GPATCH1: variants seen among roughly 807,000 people sequenced by gnomAD.
The protein encoded by GPATCH1 is G patch domain-containing protein 1.
A neutral mutation model predicts 114.9 loss-of-function variants in GPATCH1; 73 were observed. The observed-to-expected ratio is 0.64, with a 90% CI of 0.53 to 0.77. GPATCH1 has a LOEUF of 0.77. GPATCH1 is among the 30% of genes least tolerant of loss of function. The pLI is 0.00. For missense variants in GPATCH1, 1,058 were observed against 1,144.3 expected (o/e 0.92, Z 1.09); for synonymous variants, 391 against 428.4 (o/e 0.91, Z 1.08).
intron 1 of GPATCH1, among the ~76,000 whole-genome samples, chr19:33,087,873 C>T (rs755556560): frequency 5.9e-5 from 9 of 151,440 alleles, no homozygotes; most frequent in Non-Finnish European, 7.4e-5. Flanking sequence ...TTAGTAGAGC[C>T]GGGATTTTGC....
At chr19:33,086,210 T>C (rs1050548787) in intron 1 of GPATCH1, among the ~76,000 whole-genome samples, 1 of 152,056 alleles carries the variant, frequency 6.6e-6, no homozygotes, top group Non-Finnish European at 1.5e-5. Flanking sequence ...TGTAATGTAG[T>C]GTGTGTACTG....
In GPATCH1 at chr19:33,119,032, G is replaced by A. The variant is rs764564024; in HGVS notation, c.2436G>A (p.Glu812=). ...CAGCTCTTGTGCCAGCACCCCAGGA[G>A]CCGCCACCTTCCTTCCCGATACAAA... ...VAHALVPAPQ[E]PPPSFPIQKM... is the part of the protein sequence containing the mutation. Residue 812 remains glutamate, a synonymous_variant, in exon 17 of 20, where the codon GAG becomes GAA. Transcript: ENST00000170564. 1.5e-5 allele frequency: 24 copies of A among 1,612,664 alleles called. No homozygotes were observed. The Middle Eastern group carries it at 6.6e-4, about 44-fold the overall frequency.
At chr19:33,102,936 G>A (rs981454117) in intron 9 of GPATCH1, among the ~76,000 whole-genome samples, 2 of 152,208 alleles carry the variant, frequency 1.3e-5, no homozygotes, top group African/African-American at 4.8e-5. Context: ...CCGTGTGCAG[G>A]TGGGTGAAGT....
chr19:33,111,652 C>T (rs1169404787), intron 11 of GPATCH1, 72 bp from the exon 12 acceptor site: 2 of 1,343,332 alleles, frequency 1.5e-6, no homozygotes, highest in Admixed American at 3.5e-5. Context: ...CAGTGGTGCC[C>T]AGCAGATGTT....
rs1471253060 is a variant in GPATCH1, at chr19:33,126,832, G to C, written c.2765+99G>C. 19 of 1,050,000 alleles carry C rather than the reference G, an allele frequency of 1.8e-5. No individual in the cohort carries two copies. In the East Asian group the frequency reaches 4.5e-4, roughly 25 times the overall value. The allele number at this position is 1,050,000 out of a possible 1,614,324, so 65.0% of individuals were successfully genotyped here. A position where few individuals can be genotyped will look rare whatever the true frequency, so the allele number is the denominator to read the frequency against. On this transcript the variant is annotated intron_variant, in intron 19 of 19. Coordinates refer to ENST00000170564, the MANE Select transcript of GPATCH1 (RefSeq NM_018025.3). ...GGCAAATATCAGAAATGAAAAACTG[G>C]TAGGCCGGGTGCAGTGGCTCACGCC... is the stretch of plus-strand genomic sequence containing the variant.
Position 33,088,113 on chromosome 19 carries a change from T to C in GPATCH1, c.74-21T>C, listed in dbSNP as rs906317467. On this transcript the variant is annotated intron_variant, in intron 1 of 19. Coordinates refer to ENST00000170564, the MANE Select transcript of GPATCH1 (RefSeq NM_018025.3). The stretch of plus-strand genomic sequence containing the variant: ...CTCCTCTCTTTTTCATTTAAAAAAC[T>C]TTTTTTTTTTTTTTTTTTAGGTGAA... 412 of 61,626 alleles carry C rather than the reference T, an allele frequency of 6.7e-3. 1 individual carries two copies. The highest frequency in any genetic ancestry group is 0.016 in the South Asian group (12 of 772). The allele number at this position is 61,626 out of a possible 1,614,324, so 3.8% of individuals were successfully genotyped here.
intron 3 of GPATCH1, among the ~76,000 whole-genome samples, chr19:33,091,214 A>G (rs1463598744): frequency 6.6e-6 from 1 of 152,080 alleles, no homozygotes; most frequent in Non-Finnish European, 1.5e-5. Flanking sequence ...GATCAAGACC[A>G]TCCTGGCTAA....
chr19:33,094,561 G>A (rs1003085676), intron 5 of GPATCH1, among the ~76,000 whole-genome samples: 41 of 152,110 alleles, frequency 2.7e-4, no homozygotes, highest in African/African-American at 9.7e-4. Flanking sequence ...TCCAATAAAC[G>A]AAATAGCTGG....
At position 33,111,842 on chromosome 19, in the gene GPATCH1, G is replaced by A. The variant is rs774222844; in HGVS notation, c.1704G>A (p.Arg568=). 9 of 1,614,142 alleles carry A rather than the reference G, an allele frequency of 5.6e-6. No individual in the cohort carries two copies. The highest frequency in any genetic ancestry group is 1.1e-5 in the South Asian group (1 of 91,078). Residue 568 remains arginine, a synonymous_variant, in exon 12 of 20, where the codon AGG becomes AGA. Transcript: ENST00000170564. Reference sequence around the variant, plus strand: ...CTTCCCATTCGACCTTGTCCTCCAGGTTCACTCACGCCAAGGAGGAGGATG... The same window carrying A: ...CTTCCCATTCGACCTTGTCCTCCAGATTCACTCACGCCAAGGAGGAGGATG... ...YASSHSTLSS[R]FTHAKEEDDS...
intron 11 of GPATCH1, among the ~76,000 whole-genome samples, chr19:33,110,222 A>G (rs1972836928): frequency 6.6e-6 from 1 of 152,186 alleles, no homozygotes; most frequent in Non-Finnish European, 1.5e-5. Context: ...TCCATATCTC[A>G]GGCCAAAGCT....
chr19:33,095,821 G>A lies in GPATCH1; in HGVS notation c.612+1G>A, dbSNP rs751011051. The A allele has an allele frequency of 6.3e-7, 1 of 1,598,544 alleles. No homozygotes were observed. The highest frequency in any genetic ancestry group is 1.3e-5 in the African/African-American group (1 of 74,456). ...CCCTGGAAGCTCGGAAGGATCTGAG[G>A]TATTGCATGGTGTGACTGACCTTCA... is the stretch of plus-strand genomic sequence containing the variant. On this transcript the variant is annotated splice_donor_variant, in intron 6 of 19. Coordinates refer to ENST00000170564, the MANE Select transcript of GPATCH1 (RefSeq NM_018025.3). LOFTEE classifies it high-confidence loss of function.
At chr19:33,093,726 C>T (rs1972623766) in intron 4 of GPATCH1, among the ~76,000 whole-genome samples, 1 of 152,186 alleles carries the variant, frequency 6.6e-6, no homozygotes, top group Admixed American at 6.6e-5. Context: ...GCTGCTGGGG[C>T]TCTCAGAGGC....
At chr19:33,090,961 G>C in intron 3 of GPATCH1, 96 bp downstream of exon 3, 1 of 728,474 alleles carries the variant, frequency 1.4e-6, no homozygotes, top group Non-Finnish European at 2.5e-6. Context: ...TCCAATGTAC[G>C]ATTTCCTCTT....
intron 1 of GPATCH1, among the ~76,000 whole-genome samples, chr19:33,083,258 A>AG (rs1192446368): frequency 4.6e-4 from 70 of 150,688 alleles, no homozygotes; most frequent in Non-Finnish European, 9.0e-4. Flanking sequence ...AAAAAAAAAA[A>AG]AAAAATAGAG....
intron 1 of GPATCH1, among the ~76,000 whole-genome samples, chr19:33,084,436 C>A (rs1426903348): frequency 6.6e-6 from 1 of 152,116 alleles, no homozygotes; most frequent in Admixed American, 6.6e-5. Context: ...ACAGCTCATT[C>A]TATACCCAGA....
intron 1 of GPATCH1, among the ~76,000 whole-genome samples, chr19:33,087,885 A>G (rs909231602): frequency 6.6e-6 from 1 of 151,876 alleles, no homozygotes; most frequent in Non-Finnish European, 1.5e-5. Context: ...GGATTTTGCC[A>G]TGTTGACCAG....
Position 33,130,194 on chromosome 19 carries a change from T to C in GPATCH1, c.*34T>C, listed in dbSNP as rs368310417. 6.6e-5 allele frequency: 100 copies of C among 1,512,760 alleles called. No homozygotes were observed. The East Asian group carries it at 9.9e-4, about 15-fold the overall frequency. 93.7% of individuals were successfully genotyped at this position (1,512,760 alleles called of 1,614,324 possible). A position where few individuals can be genotyped will look rare whatever the true frequency, so the allele number is the denominator to read the frequency against. The stretch of plus-strand genomic sequence containing the variant: ...TGCCCTGGCTCGTCCTAGAATCATT[T>C]CTCCTCCATGATGGAAGCCCAGTGA... On this transcript the variant is annotated 3_prime_UTR_variant, in exon 20 of 20. Coordinates refer to ENST00000170564, the MANE Select transcript of GPATCH1 (RefSeq NM_018025.3).
intron 17 of GPATCH1, among the ~76,000 whole-genome samples, chr19:33,121,112 A>T (rs1465097499): frequency 6.6e-6 from 1 of 151,544 alleles, no homozygotes; most frequent in African/African-American, 2.4e-5. Context: ...TATTTTTAAA[A>T]TTTTATTTAT....
intron 17 of GPATCH1, 51 bp downstream of exon 17, chr19:33,119,168 C>A: frequency 1.0e-6 from 1 of 976,452 alleles, no homozygotes; most frequent in Non-Finnish European, 1.6e-6. Flanking sequence ...TGTGATTGCC[C>A]TGAGATGGGG....
Sources: gnomAD v4.1 joint callset for allele counts (sites outside exome capture counted in the v4.1 genomes callset) on GRCh38, gnomAD v4.1.1 for gene constraint, MANE v1.5 for transcripts, NCBI Gene and HGNC (gene_info 2026-07-23, HGNC 2026-07-21) for gene names.